ENOX1: variants seen among roughly 807,000 people sequenced by gnomAD.
ENOX1 encodes the protein candidate growth-related and time keeping constitutive hydroquinone (NADH) oxidase.
Under a neutral mutation model 82.5 loss-of-function variants are expected in ENOX1, and 42 were observed. The ratio of observed to expected loss-of-function variants is 0.51; its 90% CI spans 0.40 to 0.66. ENOX1 has a LOEUF of 0.66. Ranked by LOEUF, ENOX1 falls within the 30% of genes least tolerant of loss-of-function variation. The probability of loss-of-function intolerance (pLI) is 0.00; values close to 1 mark genes in which losing one functional copy is unlikely to be tolerated. For missense variants in ENOX1, 608 were observed against 811.6 expected (o/e 0.75, Z 3.05); for synonymous variants, 271 against 282.2 (o/e 0.96, Z 0.40).
intron 11 of ENOX1, among the ~76,000 whole-genome samples, chr13:43,300,246 C>G (rs1404443961): frequency 6.6e-6 from 1 of 152,060 alleles, no homozygotes; most frequent in Non-Finnish European, 1.5e-5. Context: ...CATCTCTTCT[C>G]TCAAAGAGCT....
chr13:43,271,443 A>G (rs2044676163), intron 12 of ENOX1, among the ~76,000 whole-genome samples: 1 of 152,116 alleles, frequency 6.6e-6, no homozygotes, highest in Admixed American at 6.6e-5. Context: ...GGGTGGGTTC[A>G]TGTATCTTTC....
chr13:43,630,961 T>C (rs1462561619), intron 2 of ENOX1, among the ~76,000 whole-genome samples: 2 of 151,952 alleles, frequency 1.3e-5, no homozygotes, highest in Non-Finnish European at 2.9e-5. Flanking sequence ...ATGTAATACA[T>C]ATAATTAGAT....
At chr13:43,619,712 C>T (rs2082640908) in intron 2 of ENOX1, among the ~76,000 whole-genome samples, 1 of 151,964 alleles carries the variant, frequency 6.6e-6, no homozygotes, top group Non-Finnish European at 1.5e-5. Context: ...CTGTAGTTTT[C>T]TTTTTTGGCT....
chr13:43,637,045 A>C (rs923072103), intron 2 of ENOX1, among the ~76,000 whole-genome samples: 2 of 152,224 alleles, frequency 1.3e-5, no homozygotes, highest in African/African-American at 4.8e-5. Context: ...GTGAGATGAC[A>C]GTTAAGGATA....
intron 2 of ENOX1, among the ~76,000 whole-genome samples, chr13:43,540,323 A>G (rs2078651908): frequency 6.6e-6 from 1 of 152,228 alleles, no homozygotes; most frequent in African/African-American, 2.4e-5. Context: ...GATTTGTACA[A>G]GTGCTTTGAA....
chr13:43,431,336 T>C (rs1437495433), intron 3 of ENOX1, among the ~76,000 whole-genome samples: 4 of 152,280 alleles, frequency 2.6e-5, no homozygotes, highest in East Asian at 1.9e-4. Context: ...TCTTAGTGAC[T>C]CTGCACTTGT....
intron 1 of ENOX1, among the ~76,000 whole-genome samples, chr13:43,772,166 G>A (rs1430263592): frequency 6.6e-6 from 1 of 151,980 alleles, no homozygotes; most frequent in African/African-American, 2.4e-5. Flanking sequence ...GCAGTTATTT[G>A]TTGCTTTTAC....
chr13:43,656,496 A>G (rs931683714), intron 2 of ENOX1, among the ~76,000 whole-genome samples: 1 of 152,202 alleles, frequency 6.6e-6, no homozygotes, highest in African/African-American at 2.4e-5. Context: ...TTCAATTCCT[A>G]CCATACATTA....
chr13:43,508,120 A>C (rs998308997), intron 2 of ENOX1, among the ~76,000 whole-genome samples: 1 of 152,024 alleles, frequency 6.6e-6, no homozygotes, highest in Non-Finnish European at 1.5e-5. Context: ...TTGAAACTCA[A>C]TCCTCATTGT....
chr13:43,530,156 A>G (rs899477933), intron 2 of ENOX1, among the ~76,000 whole-genome samples: 7 of 152,168 alleles, frequency 4.6e-5, no homozygotes, highest in African/African-American at 1.7e-4. Flanking sequence ...ATTTCAAACA[A>G]TACCTATCAA....
chr13:43,534,232 C>T (rs1232272799), intron 2 of ENOX1, among the ~76,000 whole-genome samples: 1 of 152,138 alleles, frequency 6.6e-6, no homozygotes, highest in Admixed American at 6.6e-5. Context: ...CTTAACCAGG[C>T]TCCTCTGGGC....
At chr13:43,683,172 T>C (rs1295058827) in intron 1 of ENOX1, among the ~76,000 whole-genome samples, 5 of 152,104 alleles carry the variant, frequency 3.3e-5, no homozygotes, top group Admixed American at 3.3e-4. Context: ...TGTAGTACTT[T>C]GAGGTTCTGG....
chr13:43,677,678 C>CG (rs1566754144), intron 1 of ENOX1, among the ~76,000 whole-genome samples: 2 of 151,992 alleles, frequency 1.3e-5, no homozygotes, highest in African/African-American at 4.8e-5. Flanking sequence ...CTTTGCAAAG[C>CG]ATTTTTTTAC....
At chr13:43,709,893 C>T (rs149458482) in intron 1 of ENOX1, among the ~76,000 whole-genome samples, 11 of 152,084 alleles carry the variant, frequency 7.2e-5, no homozygotes, top group East Asian at 5.8e-4. Flanking sequence ...CTTCCAAAAA[C>T]GGAAAATATT....
At chr13:43,597,505 C>A (rs1257757876) in intron 2 of ENOX1, among the ~76,000 whole-genome samples, 1 of 152,204 alleles carries the variant, frequency 6.6e-6, no homozygotes, top group Admixed American at 6.5e-5. Flanking sequence ...CTAGCTCTGG[C>A]ACAAAATCAA....
intron 5 of ENOX1, among the ~76,000 whole-genome samples, chr13:43,385,734 T>A (rs1331773580): frequency 6.6e-6 from 1 of 152,234 alleles, no homozygotes; most frequent in Non-Finnish European, 1.5e-5. Context: ...CACATTCGTT[T>A]ATACATTTGT....
At chr13:43,380,849 A>C (rs375226430) in intron 5 of ENOX1, among the ~76,000 whole-genome samples, 1 of 151,796 alleles carries the variant, frequency 6.6e-6, no homozygotes. Flanking sequence ...CAATTTAACA[A>C]GAAAATATAA....
chr13:43,687,148 T>C (rs1157319449), intron 1 of ENOX1, among the ~76,000 whole-genome samples: 1 of 152,246 alleles, frequency 6.6e-6, no homozygotes, highest in African/African-American at 2.4e-5. Flanking sequence ...GTCTGCCTTC[T>C]CACTAGTGTA....
intron 2 of ENOX1, among the ~76,000 whole-genome samples, chr13:43,559,311 T>C (rs888545438): frequency 1.3e-5 from 2 of 152,254 alleles, no homozygotes; most frequent in East Asian, 1.9e-4. Flanking sequence ...TTTTATACTT[T>C]TTTCTTTTCA....
Sources: allele counts gnomAD v4.1 joint callset (sites outside exome capture counted in the v4.1 genomes callset), GRCh38; gene constraint gnomAD v4.1.1; transcripts MANE v1.5; gene names NCBI Gene and HGNC (gene_info 2026-07-23, HGNC 2026-07-21).